LACTB: variants seen among roughly 807,000 people sequenced by gnomAD.
The protein encoded by LACTB is lactamase beta, also known as serine beta-lactamase-like protein LACTB, mitochondrial.
LACTB carries 35 observed loss-of-function variants against 50.2 expected under a neutral mutation model. That is an observed-to-expected ratio of 0.70 (90% CI 0.53 to 0.92). LACTB has a LOEUF of 0.92. Among genes scored for constraint, LACTB ranks in the 40% least tolerant of loss-of-function variants. The pLI, the probability that LACTB is intolerant of heterozygous loss-of-function variation, is 0.00. For missense variants in LACTB, 664 were observed against 691.8 expected (o/e 0.96, Z 0.45); for synonymous variants, 252 against 268.2 (o/e 0.94, Z 0.59).
intron 4 of LACTB, 78 bp from the exon 5 acceptor site, chr15:63,129,407 C>A: frequency 7.9e-7 from 1 of 1,262,596 alleles, no homozygotes; most frequent in Non-Finnish European, 1.0e-6. Context: ...TGCCAATTTT[C>A]AGTGGGAATA....
intron 5 of LACTB, among the ~76,000 whole-genome samples, chr15:63,138,860 G>A (rs1044400383): frequency 2.1e-5 from 3 of 145,780 alleles, no homozygotes; most frequent in Non-Finnish European, 4.5e-5. Context: ...GCCAACATAG[G>A]GAAACCCCGT....
intron 5 of LACTB, among the ~76,000 whole-genome samples, chr15:63,139,203 A>C (rs2037204557): frequency 6.6e-6 from 1 of 150,452 alleles, no homozygotes; most frequent in South Asian, 2.1e-4. Context: ...CCAAAAAAAA[A>C]AAAAAAAAAA....
At chr15:63,129,114 C>G (rs923859950) in intron 4 of LACTB, among the ~76,000 whole-genome samples, 5 of 152,212 alleles carry the variant, frequency 3.3e-5, no homozygotes, top group African/African-American at 1.2e-4. Flanking sequence ...ATATTAAGAA[C>G]AAAGTTGACT....
rs1365248997 is a variant in LACTB at position 63,141,348 on chromosome 15, C to T, written c.1187C>T (p.Ala396Val). The change falls in exon 6 of 6, where the codon GCT becomes GTT. Residue 396 changes from alanine to valine, a missense_variant. Transcript: ENST00000261893. ...TACGTGGATAACTCCTATAAATGGG[C>T]TGGTGGTGGATTTCTGTCTACAGTG... ...TPYVDNSYKW[A>V]GGGFLSTVGD... The T allele has an allele frequency of 6.2e-7, 1 of 1,613,972 alleles. No individual in the cohort carries two copies. Among genetic ancestry groups the T allele is most frequent in the African/African-American group, 1.3e-5 (1 of 74,902 alleles).
At chr15:63,129,937 C>A (rs1025223634) in intron 5 of LACTB, 70 of 223,666 alleles carry the variant, frequency 3.1e-4, no homozygotes, top group Non-Finnish European at 6.0e-5. Context: ...TTTAACCATT[C>A]CTTTTTTAGG....
chr15:63,140,611 A>G (rs1274853272), intron 5 of LACTB, among the ~76,000 whole-genome samples: 2 of 152,140 alleles, frequency 1.3e-5, no homozygotes, highest in Admixed American at 6.5e-5. Flanking sequence ...AGAAACTACC[A>G]TGTCACATCA....
Position 63,121,961 on chromosome 15 carries a change from C to A in LACTB, c.90C>A (p.Arg30=). The change falls in exon 1 of 6, where the codon CGC becomes CGA. Residue 30 remains arginine, a synonymous_variant. Coordinates refer to ENST00000261893, the MANE Select transcript of LACTB (RefSeq NM_032857.5). ...SSCGRRGVHQ[R]AGLPPLGHGW... is the part of the protein sequence containing the mutation. ...GCGGACGACGCGGGGTCCATCAGCG[C>A]GCCGGGCTGCCGCCTCTCGGCCACG... The A allele has an allele frequency of 7.2e-7, 1 of 1,381,962 alleles. No individual in the cohort carries two copies. The allele number at this position is 1,381,962 out of a possible 1,614,324, so 85.6% of individuals were successfully genotyped here.
chr15:63,126,049 A>T (rs2141069580), intron 2 of LACTB: 1 of 151,854 alleles, frequency 6.6e-6, no homozygotes, highest in Middle Eastern at 3.4e-3. Context: ...CAAATTTAAA[A>T]TTTTTTCTAG....
In LACTB at chr15:63,127,460, G is replaced by T. The variant is rs765161553; in HGVS notation, c.723G>T (p.Met241Ile). The change falls in exon 4 of 6, where the codon ATG (methionine) becomes ATT (isoleucine). Residue 241 changes from methionine to isoleucine, a missense_variant. Coordinates refer to ENST00000261893, the MANE Select transcript of LACTB (RefSeq NM_032857.5). The stretch of plus-strand genomic sequence containing the variant: ...AGAAAGCTTATAAAGCCTTGAAGAT[G>T]ATGAAAGAGAATGTTGCATTTGAGC... ...KEEKAYKALK[M>I]MKENVAFEQE... The T allele has an allele frequency of 3.7e-6, 6 of 1,612,414 alleles. No individual in the cohort carries two copies. Among genetic ancestry groups the T allele is most frequent in the Non-Finnish European group, 5.1e-6 (6 of 1,178,976 alleles).
At chr15:63,135,715 C>T (rs2037169737) in intron 5 of LACTB, among the ~76,000 whole-genome samples, 1 of 152,130 alleles carries the variant, frequency 6.6e-6, no homozygotes, top group Admixed American at 6.5e-5. Context: ...GAGACCCTGT[C>T]TCAAAAACAA....
At position 63,122,232 on chromosome 15, in the gene LACTB, C is replaced by A; in HGVS notation, c.357+4C>A. ...CGACCTGCTGCACAGGATCAAGGTG[C>A]GGCCACTGGAGCGGGGGGCGTAGGG... On this transcript the variant is annotated splice_donor_region_variant and intron_variant, in intron 1 of 5. Transcript: ENST00000261893. The A allele has an allele frequency of 1.3e-6, 2 of 1,551,212 alleles. No individual in the cohort carries two copies. The highest frequency in any genetic ancestry group is 1.7e-6 in the Non-Finnish European group (2 of 1,158,224).
chr15:63,141,995 G>T lies in LACTB; in HGVS notation c.*190G>T. 2 of 518,506 alleles carry T rather than the reference G, an allele frequency of 3.9e-6. No homozygotes were observed. Among genetic ancestry groups the T allele is most frequent in the Non-Finnish European group, 6.7e-6 (2 of 296,324 alleles). 32.1% of individuals were successfully genotyped at this position (518,506 alleles called of 1,614,324 possible). A position where few individuals can be genotyped will look rare whatever the true frequency, so the allele number is the denominator to read the frequency against. On this transcript the variant is annotated 3_prime_UTR_variant, in exon 6 of 6. Coordinates refer to ENST00000261893, the MANE Select transcript of LACTB (RefSeq NM_032857.5). ...GAATTGGTTCTTTATACTCAGGGAA[G>T]TAATTATATTGTTTTTACTTTTTGA... is the stretch of plus-strand genomic sequence containing the variant.
intron 4 of LACTB, among the ~76,000 whole-genome samples, chr15:63,128,812 C>G (rs530819256): frequency 2.6e-5 from 4 of 152,152 alleles, no homozygotes; most frequent in African/African-American, 7.2e-5. Context: ...GGCGGGATCT[C>G]AGCTCACTGC....
rs568059036 is a variant in LACTB, at chr15:63,125,357, G to A, written c.425-1502G>A. Among the ~76,000 whole-genome samples, 5 of 151,736 alleles carry A rather than the reference G, an allele frequency of 3.3e-5. No individual in the cohort carries two copies. In the South Asian group the frequency reaches 1.0e-3, roughly 32 times the overall value. ...TAATTTTTGTATTTTAAGTAGAGAC[G>A]GGGATTCTCCATGTTGGTCAGGCTG... On this transcript the variant is annotated intron_variant, in intron 2 of 5. Coordinates refer to ENST00000261893, the MANE Select transcript of LACTB (RefSeq NM_032857.5).
At chr15:63,124,866 A>G (rs1475793511) in intron 2 of LACTB, among the ~76,000 whole-genome samples, 2 of 152,136 alleles carry the variant, frequency 1.3e-5, no homozygotes, top group Non-Finnish European at 2.9e-5. Flanking sequence ...GGATACGAGA[A>G]TCGCTTGAAC....
At chr15:63,127,181 A>T in intron 3 of LACTB, 132 bp downstream of exon 3, 1 of 923,420 alleles carries the variant, frequency 1.1e-6, no homozygotes, top group Non-Finnish European at 1.6e-6. Flanking sequence ...TTCTTAATCC[A>T]GATGATAATC....
At chr15:63,129,454 A>AT in intron 4 of LACTB, 31 bp from the exon 5 acceptor site, 1 of 1,486,958 alleles carries the variant, frequency 6.7e-7, no homozygotes, top group Non-Finnish European at 9.0e-7. Context: ...CAAGTATTTT[A>AT]TTTTTTTCCT....
In LACTB at chr15:63,127,694, G is replaced by A; in HGVS notation, c.952+5G>A. The A allele has an allele frequency of 1.3e-6, 2 of 1,512,900 alleles. No homozygotes were observed. The highest frequency in any genetic ancestry group is 1.4e-5 in the African/African-American group (1 of 71,446). 93.7% of individuals were successfully genotyped at this position (1,512,900 alleles called of 1,614,324 possible). ...ATCCTTTGTTCTTCAAACCTGGTGA[G>A]TGTTAATCCCTTCTCTTAACAAAAT... On this transcript the variant is annotated splice_donor_5th_base_variant and intron_variant, in intron 4 of 5. Transcript: ENST00000261893.
intron 5 of LACTB, among the ~76,000 whole-genome samples, chr15:63,139,934 C>CAAA (rs56336727): frequency 7.1e-6 from 1 of 141,418 alleles, no homozygotes; most frequent in Non-Finnish European, 1.5e-5. Context: ...TCATCTCTAC[C>CAAA]AAAAAAAAAA....
Sources: gnomAD v4.1 joint callset for allele counts (sites outside exome capture counted in the v4.1 genomes callset) on GRCh38, gnomAD v4.1.1 for gene constraint, MANE v1.5 for transcripts, NCBI Gene and HGNC (gene_info 2026-07-23, HGNC 2026-07-21) for gene names.